The following NHLRC4 variants were observed in gnomAD, a reference collection of about 807,000 sequenced individuals.
NHLRC4 encodes the protein NHL-repeat-containing protein 4.
For synonymous variants in NHLRC4, 73 were observed against 69.0 expected, an observed-to-expected ratio of 1.06 and a Z score of -0.29; for missense variants, 158 against 155.4, an observed-to-expected ratio of 1.02 and a Z score of -0.09.
rs1367600562 is a variant in NHLRC4 at position 568,191 on chromosome 16, C to T, written c.144C>T (p.Phe48=). 9.9e-6 allele frequency: 16 copies of T among 1,611,372 alleles called. No individual in the cohort carries two copies. The African/African-American group carries it at 1.1e-4, about 11-fold the overall frequency. Residue 48 remains phenylalanine (F), a synonymous_variant, in exon 2 of 2, where the codon TTC becomes TTT. Transcript: ENST00000424439. ...GSLGGWTGHT[F]GCPAGICSNS... is the part of the protein sequence containing the mutation. ...TGGGGGGCTGGACGGGGCACACTTT[C>T]GGCTGCCCAGCGGGCATCTGCTCCA... is the stretch of plus-strand genomic sequence containing the variant.
rs1398285311 is a variant in NHLRC4, at chr16:568,939, A to C, written c.*520A>C. The C allele has an allele frequency of 6.1e-6, 1 of 164,760 alleles. No individual in the cohort carries two copies. The highest frequency in any genetic ancestry group is 2.4e-5 in the African/African-American group (1 of 41,458). The allele number at this position is 164,760 out of a possible 1,614,324, so 10.2% of individuals were successfully genotyped here. Reference sequence around the variant, plus strand: ...GTGGCCCCTAAATGTCCCCAACCTCAGAGGGACCTAGAGTCCTGAGCCTCC... The same window carrying C: ...GTGGCCCCTAAATGTCCCCAACCTCCGAGGGACCTAGAGTCCTGAGCCTCC... On this transcript the variant is annotated 3_prime_UTR_variant, in exon 2 of 2. Transcript: ENST00000424439.
At position 568,629 on chromosome 16, in the gene NHLRC4, TC is replaced by T; in HGVS notation, c.*213del. 1 of 613,042 alleles carries T rather than the reference TC, an allele frequency of 1.6e-6. No homozygotes were observed. The highest frequency in any genetic ancestry group is 2.9e-6 in the Non-Finnish European group (1 of 349,758). The allele number at this position is 613,042 out of a possible 1,614,324, so 38.0% of individuals were successfully genotyped here. On this transcript the variant is annotated 3_prime_UTR_variant, in exon 2 of 2. Transcript: ENST00000424439. Reference sequence around the variant, plus strand: ...TCTCAGGAGCAGCCCTGAGTCTGCTTCCCAGGCTGCCCCTGCCAGGCCTGCA... The same window carrying T: ...TCTCAGGAGCAGCCCTGAGTCTGCTTCCAGGCTGCCCCTGCCAGGCCTGCA...
rs201891065 is a variant in NHLRC4, at chr16:568,273, C to G, written c.226C>G (p.Pro76Ala). 6.2e-7 allele frequency: 1 copy of G among 1,612,072 alleles called. No individual in the cohort carries two copies. The highest frequency in any genetic ancestry group is 1.3e-5 in the African/African-American group (1 of 74,918). ...DEQRRQVTLF[P>A]RAGPPICLVS... is the part of the protein sequence containing the mutation. ...GCAGAGGCGCCAGGTGACCCTGTTT[C>G]CCCGGGCTGGGCCACCCATCTGCCT... Residue 76 changes from proline to alanine, a missense_variant, in exon 2 of 2, where the codon CCC (proline) becomes GCC (alanine). By Grantham distance (27) the Pro-to-Ala change is conservative. Coordinates refer to ENST00000424439, the MANE Select transcript of NHLRC4 (RefSeq NM_001301159.2).
rs1312568737 is a variant in NHLRC4, at chr16:567,922, AC to A, written c.-124del. 1 of 1,034,718 alleles carries A rather than the reference AC, an allele frequency of 9.7e-7. No homozygotes were observed. The highest frequency in any genetic ancestry group is 1.6e-5 in the African/African-American group (1 of 61,906). The allele number at this position is 1,034,718 out of a possible 1,614,324, so 64.1% of individuals were successfully genotyped here. A position where few individuals can be genotyped will look rare whatever the true frequency, so the allele number is the denominator to read the frequency against. ...CGGGGGCCACTGGGTGACAGTGGGC[AC>A]CTTCCTGTCTCCCCGAGGGCTGGCT... On this transcript the variant is annotated 5_prime_UTR_variant, in exon 2 of 2. Coordinates refer to ENST00000424439, the MANE Select transcript of NHLRC4 (RefSeq NM_001301159.2).
At position 568,677 on chromosome 16, in the gene NHLRC4, CTCTG is replaced by C; in HGVS notation, c.*259_*262del. On this transcript the variant is annotated 3_prime_UTR_variant, in exon 2 of 2. Coordinates refer to ENST00000424439, the MANE Select transcript of NHLRC4 (RefSeq NM_001301159.2). ...TGCAGCCTCCCCAGCCAGGGCTGCT[CTCTG>C]CTGTCCCCATTCAGTGCCCTGGCCC... 1.9e-6 allele frequency: 1 copy of C among 538,964 alleles called. No homozygotes were observed. The highest frequency in any genetic ancestry group is 3.3e-6 in the Non-Finnish European group (1 of 301,410). 33.4% of individuals were successfully genotyped at this position (538,964 alleles called of 1,614,324 possible).
At position 567,471 on chromosome 16, in the gene NHLRC4, T is replaced by C. The variant is rs2151039737; in HGVS notation, c.-577T>C. On this transcript the variant is annotated splice_region_variant and 5_prime_UTR_variant, in exon 2 of 2. Coordinates refer to ENST00000424439, the MANE Select transcript of NHLRC4 (RefSeq NM_001301159.2). ...GTGACTTTGCCATTCCCACACACAG[T>C]GGGGCCTTATTCTCTCTCTTGCAGC... is the stretch of plus-strand genomic sequence containing the variant. 6.5e-6 allele frequency: 1 copy of C among 154,708 alleles called. No individual in the cohort carries two copies. Among genetic ancestry groups the C allele is most frequent in the African/African-American group, 2.4e-5 (1 of 41,610 alleles). The allele number at this position is 154,708 out of a possible 1,614,324, so 9.6% of individuals were successfully genotyped here.
At position 567,720 on chromosome 16, in the gene NHLRC4, A is replaced by G. The variant is rs140645250; in HGVS notation, c.-328A>G. ...TGCTCTTCCTCACGGCCGGGGCTGC[A>G]CCCTGTGTCCACGTGCTAGATCTGG... is the stretch of plus-strand genomic sequence containing the variant. On this transcript the variant is annotated 5_prime_UTR_variant, in exon 2 of 2. Transcript: ENST00000424439. The G allele has an allele frequency of 3.1e-3, 892 of 290,838 alleles. 2 individuals carry two copies. Among genetic ancestry groups the G allele is most frequent in the Non-Finnish European group, 5.0e-3 (764 of 153,170 alleles). 18.0% of individuals were successfully genotyped at this position (290,838 alleles called of 1,614,324 possible).
rs1882530051 is a variant in NHLRC4, at chr16:568,093, G to A, written c.46G>A (p.Gly16Arg). The A allele has an allele frequency of 4.5e-6, 7 of 1,569,802 alleles. No homozygotes were observed. Among genetic ancestry groups the A allele is most frequent in the African/African-American group, 2.7e-5 (2 of 74,000 alleles). The change falls in exon 2 of 2, where the codon GGG becomes AGG. Residue 16 changes from glycine (G) to arginine (R), a missense_variant. Physicochemically the swap from Gly to Arg is moderately radical, Grantham distance 125. Coordinates refer to ENST00000424439, the MANE Select transcript of NHLRC4 (RefSeq NM_001301159.2). ...CTGCTGGGTGGGCCCAGGGCCTGAT[G>A]GGGGCCTTGCTGTGAGTGAGGAGTT... Reference protein sequence around the residue: ...GPCWVGPGPDGGLAVSEEFGD... With the variant: ...GPCWVGPGPDRGLAVSEEFGD...
rs531971285 is a variant in NHLRC4, at chr16:567,463, A to G, written c.-577-8A>G. On this transcript the variant is annotated splice_region_variant and splice_polypyrimidine_tract_variant and intron_variant, in intron 1 of 1. Coordinates refer to ENST00000424439, the MANE Select transcript of NHLRC4 (RefSeq NM_001301159.2). Reference sequence around the variant, plus strand: ...CTGGAGGAGTGACTTTGCCATTCCCACACACAGTGGGGCCTTATTCTCTCT... The same window carrying G: ...CTGGAGGAGTGACTTTGCCATTCCCGCACACAGTGGGGCCTTATTCTCTCT... The G allele has an allele frequency of 6.5e-6, 1 of 154,542 alleles. No individual in the cohort carries two copies. The highest frequency in any genetic ancestry group is 2.0e-4 in the South Asian group (1 of 4,914). The allele number at this position is 154,542 out of a possible 1,614,324, so 9.6% of individuals were successfully genotyped here.
rs1249653107 is a variant in NHLRC4 at position 569,116 on chromosome 16, TCCATGCTGTTTGTCCTCCCAGTGCAG to T, written c.*700_*725del. 1.2e-5 allele frequency: 2 copies of T among 166,924 alleles called. No individual in the cohort carries two copies. Among genetic ancestry groups the T allele is most frequent in the African/African-American group, 4.8e-5 (2 of 41,404 alleles). The allele number at this position is 166,924 out of a possible 1,614,324, so 10.3% of individuals were successfully genotyped here. On this transcript the variant is annotated 3_prime_UTR_variant, in exon 2 of 2. Coordinates refer to ENST00000424439, the MANE Select transcript of NHLRC4 (RefSeq NM_001301159.2). ...CATTCTGCAGACAGGGACAAACAGC[TCCATGCTGTTTGTCCTCCCAGTGCAG>T]CCGTGCTGGGAGGGTCTGGGGGAGC... is the stretch of plus-strand genomic sequence containing the variant.
chr16:567,126 CG>C (rs1334527131), intron 1 of NHLRC4, 51 bp downstream of exon 1: 3 of 153,378 alleles, frequency 2.0e-5, no homozygotes, highest in African/African-American at 7.3e-5. Context: ...TGGAGGCCCT[CG>C]GAATAGGCTG....
chr16:567,790 G>T lies in NHLRC4; in HGVS notation c.-258G>T. On this transcript the variant is annotated 5_prime_UTR_variant, in exon 2 of 2. Coordinates refer to ENST00000424439, the MANE Select transcript of NHLRC4 (RefSeq NM_001301159.2). ...CCTGCCCTGCCGCACTCCGGGGAGC[G>T]GGGCCTTCGTTCCAGAGGACGTGGC... 2 of 468,798 alleles carry T rather than the reference G, an allele frequency of 4.3e-6. No homozygotes were observed. The highest frequency in any genetic ancestry group is 3.8e-6 in the Non-Finnish European group (1 of 264,568). 29.0% of individuals were successfully genotyped at this position (468,798 alleles called of 1,614,324 possible). A position where few individuals can be genotyped will look rare whatever the true frequency, so the allele number is the denominator to read the frequency against.
Position 568,688 on chromosome 16 carries a change from C to T in NHLRC4, c.*269C>T. On this transcript the variant is annotated 3_prime_UTR_variant, in exon 2 of 2. Transcript: ENST00000424439. ...CAGCCAGGGCTGCTCTCTGCTGTCC[C>T]CATTCAGTGCCCTGGCCCCTGCATT... The T allele has an allele frequency of 2.0e-6, 1 of 497,880 alleles. No homozygotes were observed. The highest frequency in any genetic ancestry group is 3.6e-6 in the Non-Finnish European group (1 of 277,626). 30.8% of individuals were successfully genotyped at this position (497,880 alleles called of 1,614,324 possible).
In NHLRC4 at chr16:567,898, G is replaced by A; in HGVS notation, c.-150G>A. 3 of 801,348 alleles carry A rather than the reference G, an allele frequency of 3.7e-6. No individual in the cohort carries two copies. The highest frequency in any genetic ancestry group is 1.9e-5 in the South Asian group (1 of 52,776). The allele number at this position is 801,348 out of a possible 1,614,324, so 49.6% of individuals were successfully genotyped here. On this transcript the variant is annotated 5_prime_UTR_variant, in exon 2 of 2. Transcript: ENST00000424439. ...ACTCCAGCACACAGCCCGGGACCCC[G>A]GGGGCCACTGGGTGACAGTGGGCAC...
In NHLRC4 at chr16:568,222, G is replaced by T. The variant is rs1190809419; in HGVS notation, c.175G>T (p.Glu59Ter). Reference sequence around the variant, plus strand: ...CCCAGCGGGCATCTGCTCCAACTCAGAGGGCAATGTTATTGTGGCAGACGA... The same window carrying T: ...CCCAGCGGGCATCTGCTCCAACTCATAGGGCAATGTTATTGTGGCAGACGA... ...GCPAGICSNSEGNVIVADEQR... is the reference protein window; with the variant it reads ...GCPAGICSNS Residue 59 changes from glutamate (E) to a stop codon, truncating the protein, a stop_gained, in exon 2 of 2, where the codon GAG becomes TAG. Transcript: ENST00000424439. LOFTEE classifies it low-confidence loss of function (END_TRUNC). The T allele has an allele frequency of 6.2e-6, 10 of 1,612,336 alleles. No homozygotes were observed. The highest frequency in any genetic ancestry group is 8.5e-6 in the Non-Finnish European group (10 of 1,179,700).
In NHLRC4 at chr16:568,261, G is replaced by T; in HGVS notation, c.214G>T (p.Val72Leu). The change falls in exon 2 of 2, where the codon GTG becomes TTG. Residue 72 changes from valine (V) to leucine (L), a missense_variant. Transcript: ENST00000424439. ...VIVADEQRRQ[V>L]TLFPRAGPPI... ...TGTGGCAGACGAGCAGAGGCGCCAG[G>T]TGACCCTGTTTCCCCGGGCTGGGCC... 6.2e-7 allele frequency: 1 copy of T among 1,612,352 alleles called. No homozygotes were observed. The highest frequency in any genetic ancestry group is 8.5e-7 in the Non-Finnish European group (1 of 1,179,716).
rs536506174 is a variant in NHLRC4, at chr16:567,779, C to G, written c.-269C>G. On this transcript the variant is annotated 5_prime_UTR_variant, in exon 2 of 2. Coordinates refer to ENST00000424439, the MANE Select transcript of NHLRC4 (RefSeq NM_001301159.2). ...CCCATCTGCCTCCTGCCCTGCCGCACTCCGGGGAGCGGGGCCTTCGTTCCA... is the reference window on the plus strand; with the variant it reads ...CCCATCTGCCTCCTGCCCTGCCGCAGTCCGGGGAGCGGGGCCTTCGTTCCA... 24 of 454,758 alleles carry G rather than the reference C, an allele frequency of 5.3e-5. No individual in the cohort carries two copies. The highest frequency in any genetic ancestry group is 2.9e-4 in the Middle Eastern group (1 of 3,414). 28.2% of individuals were successfully genotyped at this position (454,758 alleles called of 1,614,324 possible). A position where few individuals can be genotyped will look rare whatever the true frequency, so the allele number is the denominator to read the frequency against.
In NHLRC4 at chr16:569,377, G is replaced by A. The variant is rs1333516376; in HGVS notation, c.*958G>A. On this transcript the variant is annotated 3_prime_UTR_variant, in exon 2 of 2. Coordinates refer to ENST00000424439, the MANE Select transcript of NHLRC4 (RefSeq NM_001301159.2). Reference sequence around the variant, plus strand: ...CTCTACCCCTGTGGGGTGGGGAGGTGGGGCTCCCCTGTATCACAGGACATC... The same window carrying A: ...CTCTACCCCTGTGGGGTGGGGAGGTAGGGCTCCCCTGTATCACAGGACATC... 1 of 166,950 alleles carries A rather than the reference G, an allele frequency of 6.0e-6. No homozygotes were observed. The highest frequency in any genetic ancestry group is 1.5e-5 in the Non-Finnish European group (1 of 68,204). 10.3% of individuals were successfully genotyped at this position (166,950 alleles called of 1,614,324 possible).
intron 1 of NHLRC4, 107 bp downstream of exon 1, chr16:567,182 G>A (rs1313156682): frequency 1.3e-5 from 2 of 152,736 alleles, no homozygotes; most frequent in Non-Finnish European, 2.9e-5. Context: ...TAGGGGCTCG[G>A]GTAGAAGGGC....
Sources: gnomAD v4.1 joint callset for allele counts on GRCh38, gnomAD v4.1.1 for gene constraint, MANE v1.5 for transcripts, NCBI Gene and HGNC (gene_info 2026-07-23, HGNC 2026-07-21) for gene names.